MID1: variants seen among roughly 807,000 people sequenced by gnomAD.
The protein encoded by MID1 is E3 ubiquitin-protein ligase Midline-1.
A neutral mutation model predicts 40.4 loss-of-function variants in MID1; 7 were observed. That is an observed-to-expected ratio of 0.17 (90% CI 0.10 to 0.33). The LOEUF (loss-of-function observed/expected upper bound fraction) is 0.33, where lower values mean the gene tolerates loss of function less well. Ranked by LOEUF, MID1 falls within the 10% of genes least tolerant of loss-of-function variation. MID1 has a pLI of 1.00. For missense variants in MID1, 367 were observed against 558.5 expected, an observed-to-expected ratio of 0.66 and a Z score of 3.46; for synonymous variants, 229 against 221.2, an observed-to-expected ratio of 1.04 and a Z score of -0.31.
At chrX:10,593,046 A>G (rs1429084249) in intron 1 of MID1, among the ~76,000 whole-genome samples, 1 of 112,169 alleles carries the variant, frequency 8.9e-6, no homozygotes, top group Non-Finnish European at 1.9e-5. Flanking sequence ...TTTTTACAGT[A>G]ATTCATAATA....
At chrX:10,591,912 T>C (rs1324933932) in intron 1 of MID1, among the ~76,000 whole-genome samples, 1 of 111,213 alleles carries the variant, frequency 9.0e-6, no homozygotes, top group South Asian at 3.8e-4. Flanking sequence ...TACACAGTCT[T>C]TCTTCCATTC....
intron 6 of MID1, among the ~76,000 whole-genome samples, chrX:10,472,781 C>T (rs1929784012): frequency 8.9e-6 from 1 of 111,862 alleles, no homozygotes; most frequent in African/African-American, 3.3e-5. Context: ...ATGTTGTGAT[C>T]ATGTGGCAAA....
intron 1 of MID1, among the ~76,000 whole-genome samples, chrX:10,713,428 G>C (rs994083889): frequency 3.7e-5 from 4 of 109,018 alleles, no homozygotes; most frequent in African/African-American, 1.3e-4. Flanking sequence ...TGCTCAGGCA[G>C]TCCTCCCACC....
At chrX:10,494,490 A>C (rs2147319134) in intron 4 of MID1, among the ~76,000 whole-genome samples, 1 of 111,688 alleles carries the variant, frequency 9.0e-6, no homozygotes, top group East Asian at 2.8e-4. Flanking sequence ...ATCCTTGGCC[A>C]GGCATAGTAG....
chrX:10,828,054 T>G (rs1410741062), intron 1 of MID1, among the ~76,000 whole-genome samples: 1 of 111,997 alleles, frequency 8.9e-6, no homozygotes, highest in Non-Finnish European at 1.9e-5. Context: ...ATTTAAATGC[T>G]AAGAAAACAT....
At chrX:10,564,090 A>G (rs1277751913) in intron 2 of MID1, among the ~76,000 whole-genome samples, 1 of 112,335 alleles carries the variant, frequency 8.9e-6, no homozygotes, top group Non-Finnish European at 1.9e-5. Flanking sequence ...TTGTCTTATC[A>G]ATGAAAGCAT....
intron 1 of MID1, among the ~76,000 whole-genome samples, chrX:10,638,545 GGCCT>G (rs1235303372): frequency 8.9e-6 from 1 of 112,286 alleles, no homozygotes; most frequent in African/African-American, 3.2e-5. Flanking sequence ...AGCTCAAGGA[GGCCT>G]GCCTGCCTCT....
intron 1 of MID1, among the ~76,000 whole-genome samples, chrX:10,823,727 C>G (rs1017193493): frequency 9.1e-6 from 1 of 110,088 alleles, no homozygotes; most frequent in Non-Finnish European, 1.9e-5. Context: ...ATAGTGACCC[C>G]AGTAAATAAA....
intron 1 of MID1, among the ~76,000 whole-genome samples, chrX:10,783,980 C>T (rs1029560213): frequency 1.3e-4 from 14 of 110,467 alleles, no homozygotes; most frequent in Non-Finnish European, 2.3e-4. Flanking sequence ...TTTTTGACTT[C>T]AAAATAGATC....
At chrX:10,759,021 C>A (rs2043656696) in intron 1 of MID1, among the ~76,000 whole-genome samples, 1 of 111,809 alleles carries the variant, frequency 8.9e-6, no homozygotes, top group Non-Finnish European at 1.9e-5. Context: ...TATTTTGAGT[C>A]TTTTATCCTG....
intron 1 of MID1, among the ~76,000 whole-genome samples, chrX:10,782,285 T>C (rs779401335): frequency 1.6e-3 from 176 of 111,981 alleles, no homozygotes; most frequent in African/African-American, 5.5e-3. Context: ...GTGTTTGGCA[T>C]CTGACCCTTC....
chrX:10,579,185 A>G (rs979459976), intron 1 of MID1, among the ~76,000 whole-genome samples: 3 of 112,080 alleles, frequency 2.7e-5, no homozygotes, highest in African/African-American at 9.7e-5. Context: ...CTGCCTGCTC[A>G]TATCTGCAAA....
At chrX:10,502,939 G>A (rs1259631699) in intron 3 of MID1, among the ~76,000 whole-genome samples, 4 of 111,891 alleles carry the variant, frequency 3.6e-5, no homozygotes, top group Admixed American at 9.5e-5. Flanking sequence ...TACATAATGT[G>A]GCATAACCAT....
chrX:10,578,051 C>T (rs1934919879), intron 1 of MID1, among the ~76,000 whole-genome samples: 1 of 112,491 alleles, frequency 8.9e-6, no homozygotes, highest in Non-Finnish European at 1.9e-5. Context: ...CTCGGGCTGC[C>T]CAGTCTGCAC....
intron 1 of MID1, among the ~76,000 whole-genome samples, chrX:10,712,397 A>C (rs2147089839): frequency 9.0e-6 from 1 of 111,431 alleles, no homozygotes; most frequent in South Asian, 3.8e-4. Context: ...ACCTTCTTTT[A>C]GGAATGCGGG....
chrX:10,516,188 C>CTTTT lies in MID1; in HGVS notation c.756+6900_756+6903dup, dbSNP rs1191096522. Among the ~76,000 whole-genome samples the CTTTT allele has an allele frequency of 1.8e-3, 126 of 71,463 alleles. 2 individuals carry two copies. Among genetic ancestry groups the CTTTT allele is most frequent in the African/African-American group, 5.9e-3 (96 of 16,335 alleles). The allele number at this position is 71,463 out of a possible 115,157, so 62.1% of individuals were successfully genotyped here. ...TCTTAGGAGTCTACCTGAAGTTGCT[C>CTTTT]TTTTTTTTTTTTTTTTTTTTTTTTG... On this transcript the variant is annotated intron_variant, in intron 3 of 9. Coordinates refer to ENST00000317552, the MANE Select transcript of MID1 (RefSeq NM_000381.4).
chrX:10,453,246 T>G (rs959493098), intron 9 of MID1, among the ~76,000 whole-genome samples: 3 of 111,928 alleles, frequency 2.7e-5, no homozygotes, highest in African/African-American at 9.7e-5. Context: ...AAGCTTACAA[T>G]TCACTTCTTA....
chrX:10,759,844 T>C (rs1345903570), intron 1 of MID1, among the ~76,000 whole-genome samples: 3 of 111,893 alleles, frequency 2.7e-5, no homozygotes, highest in Non-Finnish European at 5.6e-5. Context: ...TACAAACAGA[T>C]ACAAAAAATT....
At position 10,685,877 on chromosome X, in the gene MID1, T is replaced by TACACACACACACACAC. The variant is rs56245034; in HGVS notation, c.-186-65474_-186-65459dup. 1.8e-3 allele frequency among the ~76,000 whole-genome samples: 148 copies of TACACACACACACACAC among 80,483 alleles called. 1 individual carries two copies. Among genetic ancestry groups the TACACACACACACACAC allele is most frequent in the African/African-American group, 6.5e-3 (135 of 20,795 alleles). The allele number at this position is 80,483 out of a possible 115,157, so 69.9% of individuals were successfully genotyped here. ...TCGGCCCCTACACCCCACATACTCA[T>TACACACACACACACAC]ACACACACACACACACACACACACA... On this transcript the variant is annotated intron_variant, in intron 1 of 10. Coordinates refer to the MID1 transcript ENST00000380785.
Sources: gnomAD v4.1 joint callset for allele counts (sites outside exome capture counted in the v4.1 genomes callset) on GRCh38, gnomAD v4.1.1 for gene constraint, MANE v1.5 for transcripts, NCBI Gene and HGNC (gene_info 2026-07-23, HGNC 2026-07-21) for gene names.